The following PTPRN2 variants were observed in gnomAD, a reference collection of about 807,000 sequenced individuals.
PTPRN2 encodes the protein protein tyrosine phosphatase receptor type N2, also known as receptor-type tyrosine-protein phosphatase N2.
Under a neutral mutation model 118.8 loss-of-function variants are expected in PTPRN2, and 74 were observed. The observed-to-expected ratio is 0.62, with a 90% confidence interval of 0.52 to 0.76. The LOEUF is 0.76. PTPRN2 is among the 30% of genes least tolerant of loss of function. The probability of loss-of-function intolerance (pLI) is 0.00; values close to 1 mark genes in which losing one functional copy is unlikely to be tolerated. For missense variants in PTPRN2, 1,481 were observed against 1,394.4 expected (o/e 1.06, Z -0.99); for synonymous variants, 641 against 608.0 (o/e 1.05, Z -0.80).
chr7:158,194,768 T>C (rs1826077447), intron 4 of PTPRN2, among the ~76,000 whole-genome samples: 1 of 152,250 alleles, frequency 6.6e-6, no homozygotes, highest in East Asian at 1.9e-4. Context: ...AGATCCTCGT[T>C]AGGGCAAGAA....
chr7:157,745,459 C>T (rs1563063439), intron 12 of PTPRN2, among the ~76,000 whole-genome samples: 1 of 151,934 alleles, frequency 6.6e-6, no homozygotes, highest in Admixed American at 6.6e-5. Context: ...CTGTGGGAGG[C>T]AGGCTCAGGG....
chr7:158,333,289 A>C (rs1804865080), intron 2 of PTPRN2, among the ~76,000 whole-genome samples: 9 of 134,228 alleles, frequency 6.7e-5, no homozygotes. Flanking sequence ...CACTCTCACC[A>C]TAAGAGGTGA....
At chr7:157,921,777 CTTCTT>C (rs1798704707) in intron 11 of PTPRN2, among the ~76,000 whole-genome samples, 1 of 152,206 alleles carries the variant, frequency 6.6e-6, no homozygotes. Flanking sequence ...GCTAAATAAA[CTTCTT>C]TTCTTATAAA....
At chr7:158,317,126 C>A (rs965897029) in intron 2 of PTPRN2, among the ~76,000 whole-genome samples, 194 bp from the exon 3 acceptor site, 1 of 152,064 alleles carries the variant, frequency 6.6e-6, no homozygotes, top group Non-Finnish European at 1.5e-5. Context: ...CCGAGCATCA[C>A]GGAAAACACA....
chr7:158,393,848 T>C (rs1373042273), intron 2 of PTPRN2, among the ~76,000 whole-genome samples: 2 of 152,032 alleles, frequency 1.3e-5, no homozygotes, highest in Non-Finnish European at 2.9e-5. Flanking sequence ...CTGGGTTCAA[T>C]GTATATCACC....
intron 12 of PTPRN2, among the ~76,000 whole-genome samples, chr7:157,816,638 C>T (rs1373711440): frequency 6.6e-6 from 1 of 152,234 alleles, no homozygotes; most frequent in African/African-American, 2.4e-5. Context: ...GAAGCCCCCG[C>T]AGTCTACAGG....
At chr7:158,023,829 T>A (rs189350836) in intron 11 of PTPRN2, among the ~76,000 whole-genome samples, 2 of 151,290 alleles carry the variant, frequency 1.3e-5, no homozygotes, top group Non-Finnish European at 2.9e-5. Context: ...GGCACACACA[T>A]GCAGGCACAC....
chr7:158,144,392 C>T (rs937032484), intron 6 of PTPRN2, among the ~76,000 whole-genome samples: 1 of 152,206 alleles, frequency 6.6e-6, no homozygotes, highest in African/African-American at 2.4e-5. Context: ...AATCCCAGCA[C>T]TTTGGGAGGC....
chr7:158,570,975 C>G lies in PTPRN2; in HGVS notation c.112+16583G>C, dbSNP rs140223383. Among the ~76,000 whole-genome samples the G allele has an allele frequency of 1.5e-3, 231 of 152,354 alleles. 2 individuals are homozygous for G. The Middle Eastern group carries it at 0.027, about 18-fold the overall frequency. On this transcript the variant is annotated intron_variant, in intron 1 of 22. Transcript: ENST00000389418. This position sits in a 1 kb window ranked among gnomAD's most constrained non-coding sequence, Gnocchi z 4.5. ...CGGATGGCAAAGCCATACGCAGGAG[C>G]CTTCCCAGCAGCCGCCGCCATGGCT...
rs1797594365 is a variant in PTPRN2, at chr7:157,903,628, G to A, written c.1724-4891C>T. 6.7e-6 allele frequency among the ~76,000 whole-genome samples: 1 copy of A among 148,300 alleles called. No homozygotes were observed. Among genetic ancestry groups the A allele is most frequent in the Non-Finnish European group, 1.5e-5 (1 of 67,344 alleles). ...ATTGAAGCAAACAACCTGAATTAGT[G>A]TTTGGTTTTTTCTTTTTCCTTTTTT... On this transcript the variant is annotated intron_variant, in intron 11 of 22. Coordinates refer to ENST00000389418, the MANE Select transcript of PTPRN2 (RefSeq NM_002847.5). This position sits in a 1 kb window ranked among gnomAD's most constrained non-coding sequence, Gnocchi z 4.2.
chr7:157,897,758 T>C (rs1404474164), intron 12 of PTPRN2, among the ~76,000 whole-genome samples: 1 of 152,138 alleles, frequency 6.6e-6, no homozygotes, highest in Non-Finnish European at 1.5e-5. Context: ...GAGGACGAGA[T>C]TTCCCCACAG....
At chr7:158,319,365 C>T (rs964806689) in intron 2 of PTPRN2, among the ~76,000 whole-genome samples, 1 of 151,814 alleles carries the variant, frequency 6.6e-6, no homozygotes, top group Non-Finnish European at 1.5e-5. Context: ...ATTTTCCATG[C>T]ATCCTCACAC....
chr7:158,142,929 G>A (rs1819523820), intron 6 of PTPRN2, among the ~76,000 whole-genome samples: 1 of 152,158 alleles, frequency 6.6e-6, no homozygotes, highest in Non-Finnish European at 1.5e-5. Flanking sequence ...AAAGGTGCGT[G>A]TATACCACAG....
chr7:157,572,225 A>C (rs368677714), intron 19 of PTPRN2, among the ~76,000 whole-genome samples: 31 of 152,356 alleles, frequency 2.0e-4, no homozygotes, highest in African/African-American at 7.5e-4. Context: ...TGAAACAATG[A>C]AACATGTTTA....
chr7:157,577,897 G>A, intron 18 of PTPRN2, 124 bp downstream of exon 18: 2 of 1,274,562 alleles, frequency 1.6e-6, no homozygotes, highest in Non-Finnish European at 2.1e-6. Flanking sequence ...CCCTGAACAT[G>A]GGGTGCGCTG....
At chr7:158,012,850 T>G (rs181372931) in intron 11 of PTPRN2, among the ~76,000 whole-genome samples, 11 of 152,308 alleles carry the variant, frequency 7.2e-5, no homozygotes, top group African/African-American at 2.6e-4. Flanking sequence ...GAAAGGGAGC[T>G]GGCAAATGCA....
intron 2 of PTPRN2, among the ~76,000 whole-genome samples, chr7:158,324,992 G>T (rs1276595755): frequency 6.6e-6 from 1 of 151,692 alleles, no homozygotes; most frequent in Non-Finnish European, 1.5e-5. Flanking sequence ...GCTGAGAAAC[G>T]TCACTCACTG....
intron 3 of PTPRN2, among the ~76,000 whole-genome samples, chr7:158,220,952 C>T (rs899652590): frequency 1.3e-5 from 2 of 150,234 alleles, no homozygotes; most frequent in African/African-American, 4.9e-5. Flanking sequence ...AATCACACTA[C>T]CTGACTTCAA....
At position 157,596,694 on chromosome 7, in the gene PTPRN2, C is replaced by A. The variant is rs925743460; in HGVS notation, c.2419-1379G>T. ...TCCCAGAAGCATCTGCAGAGACCGA[C>A]CCCCGGAGAGCCGGATGCTGCGCTG... On this transcript the variant is annotated intron_variant, in intron 16 of 22. Coordinates refer to ENST00000389418, the MANE Select transcript of PTPRN2 (RefSeq NM_002847.5). This position sits in a 1 kb window ranked among gnomAD's most constrained non-coding sequence, Gnocchi z 4.2. 2.0e-5 allele frequency among the ~76,000 whole-genome samples: 3 copies of A among 152,172 alleles called. No individual in the cohort carries two copies. The highest frequency in any genetic ancestry group is 1.9e-4 in the East Asian group (1 of 5,182).
Sources: allele counts gnomAD v4.1 joint callset (sites outside exome capture counted in the v4.1 genomes callset), GRCh38; gene constraint gnomAD v4.1.1; non-coding constraint Gnocchi (gnomAD v3.1); transcripts MANE v1.5; gene names NCBI Gene and HGNC (gene_info 2026-07-23, HGNC 2026-07-21).